The following CDCA5 variants were observed in gnomAD, a reference collection of about 807,000 sequenced individuals.
CDCA5 encodes sororin.
Under a neutral mutation model 25.7 loss-of-function variants are expected in CDCA5, and 14 were observed. That is an observed-to-expected ratio of 0.54 (90% CI 0.36 to 0.85). CDCA5 has a LOEUF of 0.85. Among genes scored for constraint, CDCA5 ranks in the 40% least tolerant of loss-of-function variants. The probability of loss-of-function intolerance (pLI) is 0.01; values close to 1 mark genes in which losing one functional copy is unlikely to be tolerated. For synonymous variants in CDCA5, 127 were observed against 128.7 expected, an observed-to-expected ratio of 0.99 and a Z score of 0.09; for missense variants, 307 against 324.5, an observed-to-expected ratio of 0.95 and a Z score of 0.41.
chr11:65,063,922 G>A (rs1947208361), downstream of CDCA5, among the ~76,000 whole-genome samples: 1 of 152,176 alleles, frequency 6.6e-6, no homozygotes, highest in Admixed American at 6.5e-5. Flanking sequence ...CAACAGGAGT[G>A]GCTGCAGGGA....
intron 4 of CDCA5, among the ~76,000 whole-genome samples, chr11:65,079,992 G>A (rs1230662154): frequency 6.6e-6 from 1 of 151,186 alleles, no homozygotes; most frequent in Non-Finnish European, 1.5e-5. Flanking sequence ...CCGGGTTCAC[G>A]CCATTCTCCT....
downstream of CDCA5, among the ~76,000 whole-genome samples, chr11:65,063,257 G>A (rs913678625): frequency 6.6e-6 from 1 of 152,220 alleles, no homozygotes; most frequent in African/African-American, 2.4e-5. Context: ...TGTTCCCAAA[G>A]GATGACGTTG....
At chr11:65,082,179 C>T (rs1036057470) in intron 4 of CDCA5, among the ~76,000 whole-genome samples, 3 of 152,168 alleles carry the variant, frequency 2.0e-5, no homozygotes, top group Non-Finnish European at 4.4e-5. Flanking sequence ...CCATTCTCCC[C>T]ACAGCCCCCA....
At position 65,078,391 on chromosome 11, in the gene CDCA5, C is replaced by T. The variant is rs1162266204; in HGVS notation, c.*716G>A. On this transcript the variant is annotated 3_prime_UTR_variant, in exon 6 of 6. Transcript: ENST00000275517. Reference sequence around the variant, plus strand: ...TGCACCCTTTGCTCCAAGCAGCCAGCGCCCTATCAACCTGGCATTTACCAA... The same window carrying T: ...TGCACCCTTTGCTCCAAGCAGCCAGTGCCCTATCAACCTGGCATTTACCAA... 8.1e-6 allele frequency: 8 copies of T among 984,906 alleles called. No individual in the cohort carries two copies. The highest frequency in any genetic ancestry group is 9.4e-5 in the South Asian group (2 of 21,294). The allele number at this position is 984,906 out of a possible 1,614,324, so 61.0% of individuals were successfully genotyped here.
chr11:65,067,786 A>T, intron 3 of CDCA5: 7 of 1,031,022 alleles, frequency 6.8e-6, no homozygotes, highest in Non-Finnish European at 9.3e-6. Context: ...GTCAGGCCAG[A>T]GGGTCTAGGG....
chr11:65,061,299 C>T, the CDCA5 span, among the ~76,000 whole-genome samples: 1 of 152,180 alleles, frequency 6.6e-6, no homozygotes, highest in African/African-American at 2.4e-5. Flanking sequence ...GAAATGGGTC[C>T]TCCAGCACCA....
At chr11:65,068,519 C>A (rs1440581206) in exon 2 of CDCA5, 1 of 1,289,288 alleles carries the variant, frequency 7.8e-7, no homozygotes, top group Non-Finnish European at 1.0e-6. Context: ...AGCCTGAGGG[C>A]CCTTGGGTTC....
downstream of CDCA5, among the ~76,000 whole-genome samples, chr11:65,064,090 T>C (rs547446234): frequency 8.5e-5 from 13 of 152,280 alleles, no homozygotes; most frequent in South Asian, 2.7e-3. Flanking sequence ...TGTAACCTTA[T>C]TCGAGCGCTG....
intron 1 of CDCA5, among the ~76,000 whole-genome samples, chr11:65,070,244 G>A (rs1947314873): frequency 6.6e-6 from 1 of 152,204 alleles, no homozygotes; most frequent in Admixed American, 6.5e-5. Flanking sequence ...GTAGACACTG[G>A]GGCCAGGATG....
At chr11:65,076,831 G>A (rs1456583419), downstream of CDCA5, among the ~76,000 whole-genome samples, 1 of 152,206 alleles carries the variant, frequency 6.6e-6, no homozygotes, top group Non-Finnish European at 1.5e-5. Context: ...CTTCAAAGGA[G>A]CCTGAAAGGG....
chr11:65,069,782 C>T (rs571565948), intron 1 of CDCA5, among the ~76,000 whole-genome samples: 1 of 152,376 alleles, frequency 6.6e-6, no homozygotes, highest in South Asian at 2.1e-4. Flanking sequence ...ACAAAGACTT[C>T]TTCACATGGT....
At chr11:65,063,050 G>A (rs1042035956), downstream of CDCA5, among the ~76,000 whole-genome samples, 5 of 152,198 alleles carry the variant, frequency 3.3e-5, no homozygotes, top group Non-Finnish European at 7.3e-5. Context: ...CAACACTCCT[G>A]CTCCAGCTGT....
At chr11:65,066,918 CT>C in intron 4 of CDCA5, 1 of 1,283,194 alleles carries the variant, frequency 7.8e-7, no homozygotes, top group Non-Finnish European at 1.0e-6. Flanking sequence ...CTCAGCCAGG[CT>C]TTTGTTCCAG....
Position 65,079,633 on chromosome 11 carries a change from G to A in CDCA5, c.398C>T (p.Ala133Val). 1 of 1,609,014 alleles carries A rather than the reference G, an allele frequency of 6.2e-7. No homozygotes were observed. The part of the protein sequence containing the change: ...ESSSKEGELD[A>V]RDLEMSKKVR... Reference sequence around the variant, plus strand: ...TTTCTTAGACATTTCCAAGTCTCTGGCGTCCAGCTCTCCTTCCTTGGAGCT... The same window carrying A: ...TTTCTTAGACATTTCCAAGTCTCTGACGTCCAGCTCTCCTTCCTTGGAGCT... Residue 133 changes from alanine (A) to valine (V), a missense_variant, in exon 5 of 6, where the codon GCC becomes GTC. Coordinates refer to ENST00000275517, the MANE Select transcript of CDCA5 (RefSeq NM_080668.4).
At chr11:65,080,179 C>G (rs1362767352) in intron 4 of CDCA5, among the ~76,000 whole-genome samples, 1 of 152,172 alleles carries the variant, frequency 6.6e-6, no homozygotes, top group Non-Finnish European at 1.5e-5. Flanking sequence ...CGTGAGCCAC[C>G]ATGCCCGGCC....
At chr11:65,080,606 G>C (rs752979351) in intron 4 of CDCA5, among the ~76,000 whole-genome samples, 20 of 151,994 alleles carry the variant, frequency 1.3e-4, no homozygotes, top group Non-Finnish European at 2.6e-4. Context: ...TTGTAGAGTA[G>C]GGGAGGTCTC....
At position 65,084,012 on chromosome 11, in the gene CDCA5, G is replaced by C; in HGVS notation, c.-34C>G. On this transcript the variant is annotated 5_prime_UTR_variant, in exon 1 of 6. Coordinates refer to ENST00000275517, the MANE Select transcript of CDCA5 (RefSeq NM_080668.4). ...CTCCGTCTCGAGCTCCTCCAGCGCCGCCGCCCCGGGCGCGCGCCAACCGGG... is the reference window on the plus strand; with the variant it reads ...CTCCGTCTCGAGCTCCTCCAGCGCCCCCGCCCCGGGCGCGCGCCAACCGGG... The C allele has an allele frequency of 6.3e-7, 1 of 1,592,128 alleles. No homozygotes were observed.
Position 65,066,419 on chromosome 11 carries a change from G to A in CDCA5, c.618C>T (p.His206=), listed in dbSNP as rs548860672. 1.1e-4 allele frequency: 139 copies of A among 1,253,428 alleles called. No homozygotes were observed. The African/African-American group carries it at 2.0e-3, about 18-fold the overall frequency. The allele number at this position is 1,253,428 out of a possible 1,614,324, so 77.6% of individuals were successfully genotyped here. Residue 206 remains histidine, a synonymous_variant, in exon 7 of 7, where the codon CAC becomes CAT. Transcript: ENST00000525464. Reference sequence around the variant, plus strand: ...AGGCCTGACCCTGGTCTCTGTGGTCGTGGGGCAGGTCAGGCAGCTTGAAGA... The same window carrying A: ...AGGCCTGACCCTGGTCTCTGTGGTCATGGGGCAGGTCAGGCAGCTTGAAGA...
At chr11:65,074,132 G>A (rs1947393281), downstream of CDCA5, among the ~76,000 whole-genome samples, 1 of 152,182 alleles carries the variant, frequency 6.6e-6, no homozygotes, top group Non-Finnish European at 1.5e-5. Flanking sequence ...GAGTGCAGTG[G>A]CACAATATCG....
Sources: gnomAD v4.1 joint callset for allele counts (sites outside exome capture counted in the v4.1 genomes callset) on GRCh38, gnomAD v4.1.1 for gene constraint, MANE v1.5 for transcripts, NCBI Gene and HGNC (gene_info 2026-07-23, HGNC 2026-07-21) for gene names.